Variants in TOP2A observed in about 807,000 individuals in gnomAD.
TOP2A encodes the protein DNA topoisomerase II alpha.
Under a neutral mutation model 187.2 loss-of-function variants are expected in TOP2A, and 68 were observed. That is an observed-to-expected ratio of 0.36 (90% CI 0.30 to 0.44). The LOEUF (loss-of-function observed/expected upper bound fraction) is 0.44, where lower values mean the gene tolerates loss of function less well. TOP2A is among the 20% of genes least tolerant of loss of function. TOP2A has a pLI of 1.00. For synonymous variants in TOP2A, 542 were observed against 593.2 expected (o/e 0.91, Z 1.25); for missense variants, 1,196 against 1,808.7 (o/e 0.66, Z 6.14).
At chr17:40,414,180 G>T (rs1438820640) in intron 4 of TOP2A, among the ~76,000 whole-genome samples, 3 of 152,116 alleles carry the variant, frequency 2.0e-5, no homozygotes, top group African/African-American at 7.2e-5. Context: ...AGGACAATCT[G>T]GAAACATTAT....
intron 29 of TOP2A, among the ~76,000 whole-genome samples, chr17:40,393,925 G>A (rs1003943819): frequency 3.3e-5 from 5 of 151,976 alleles, no homozygotes; most frequent in African/African-American, 1.2e-4. Flanking sequence ...GCATGGTGGT[G>A]CGTGCCTGTA....
chr17:40,409,779 CAA>C (rs886646711), intron 10 of TOP2A: 181 of 76,266 alleles, frequency 2.4e-3, no homozygotes, highest in South Asian at 0.013. Context: ...GACTCTGTCT[CAA>C]AAAAAAAAAA....
At position 40,398,791 on chromosome 17, in the gene TOP2A, G is replaced by T. The variant is rs761940756; in HGVS notation, c.3435C>A (p.Cys1145Ter). ...YLTKEKKDEL[C>*]RLRNEKEQEL... is the part of the protein sequence containing the mutation. ...AACTCACTTTTTCATTTCTTAGCCT[G>T]CAGAGTTCATCTTTCTTTTCCTTGG... The change falls in exon 26 of 35, where the codon TGC (cysteine) becomes TGA (stop). Residue 1145 changes from cysteine to a stop codon, truncating the protein, a stop_gained. Coordinates refer to ENST00000423485, the MANE Select transcript of TOP2A (RefSeq NM_001067.4). LOFTEE classifies it high-confidence loss of function. 1.2e-6 allele frequency: 2 copies of T among 1,611,144 alleles called. No individual in the cohort carries two copies. The highest frequency in any genetic ancestry group is 3.4e-5 in the Admixed American group (2 of 59,300).
intron 3 of TOP2A, 120 bp downstream of exon 3, chr17:40,416,301 AC>A (rs2035389373): frequency 1.3e-6 from 1 of 766,942 alleles, no homozygotes; most frequent in African/African-American, 1.8e-5. Context: ...AGCCCTGGCT[AC>A]AGCAGGTTTG....
intron 13 of TOP2A, 63 bp downstream of exon 13, chr17:40,407,486 G>C: frequency 1.5e-6 from 2 of 1,350,286 alleles, no homozygotes; most frequent in Non-Finnish European, 2.0e-6. Flanking sequence ...AAAAAACAAT[G>C]AAATTAAATT....
intron 5 of TOP2A, 66 bp downstream of exon 5, chr17:40,413,414 C>A: frequency 7.1e-7 from 1 of 1,407,874 alleles, no homozygotes; most frequent in Admixed American, 2.6e-5. Context: ...ACCCTCATGC[C>A]ACAGACAGTC....
chr17:40,390,012 A>C lies in TOP2A; in HGVS notation c.4420T>G (p.Ser1474Ala). The C allele has an allele frequency of 6.2e-7, 1 of 1,613,918 alleles. No homozygotes were observed. Among genetic ancestry groups the C allele is most frequent in the Admixed American group, 1.7e-5 (1 of 60,004 alleles). ...ACAATTTTCTCAAAATTAGAGTCAG[A>C]ATCATCAGAAGTGGATGGCTTCCTT... ...RKRKPSTSDD[S>A]DSNFEKIVSK... The change falls in exon 34 of 35, where the codon TCT becomes GCT. Residue 1474 changes from serine (S) to alanine (A), a missense_variant. Physicochemically the swap from Ser to Ala is moderately conservative, Grantham distance 99 (BLOSUM62 1). This residue lies in a region of TOP2A where 374 missense variants were observed against 403.3 expected (regional missense o/e 0.93). Coordinates refer to ENST00000423485, the MANE Select transcript of TOP2A (RefSeq NM_001067.4).
rs2143669804 is a variant in TOP2A at position 40,408,061 on chromosome 17, G to A, written c.1406C>T (p.Ala469Val). 8.7e-6 allele frequency: 14 copies of A among 1,613,284 alleles called. No homozygotes were observed. The highest frequency in any genetic ancestry group is 1.1e-5 in the Non-Finnish European group (13 of 1,179,510). ...LTEGDSAKTLAVSGLGVVGRD... is the reference protein window; with the variant it reads ...LTEGDSAKTLVVSGLGVVGRD... ...CCCAACCACACCAAGGCCTGAAACA[G>A]CCAAAGTTTTGGCTGAATCTCCCTC... The change falls in exon 12 of 35, where the codon GCT becomes GTT. Residue 469 changes from alanine to valine, a missense_variant. Coordinates refer to ENST00000423485, the MANE Select transcript of TOP2A (RefSeq NM_001067.4).
At chr17:40,407,039 G>A (rs1435628493) in intron 13 of TOP2A, 97 bp from the exon 14 acceptor site, 7 of 953,496 alleles carry the variant, frequency 7.3e-6, no homozygotes, top group African/African-American at 3.3e-5. Context: ...CGAGGCAGGC[G>A]GATCGCCTGA....
Position 40,403,816 on chromosome 17 carries a change from G to A in TOP2A, c.2283+336C>T, listed in dbSNP as rs543150938. ...ATATTCCTCAGTGTCAGTGCACACA[G>A]TTTTACTGAAGTTACAGCACTGATT... On this transcript the variant is annotated intron_variant, in intron 19 of 34. Coordinates refer to ENST00000423485, the MANE Select transcript of TOP2A (RefSeq NM_001067.4). Among the ~76,000 whole-genome samples, 273 of 152,250 alleles carry A rather than the reference G, an allele frequency of 1.8e-3. 1 individual carries two copies. The highest frequency in any genetic ancestry group is 6.8e-3 in the Middle Eastern group (2 of 294).
chr17:40,409,194 CAAAAA>C (rs35266834), intron 10 of TOP2A: 552 of 72,992 alleles, frequency 7.6e-3, no homozygotes, highest in South Asian at 1.0e-2. Flanking sequence ...AACTCCGTCT[CAAAAA>C]AAAAAAAAAA....
intron 29 of TOP2A, among the ~76,000 whole-genome samples, chr17:40,393,933 G>A (rs1196729379): frequency 6.6e-6 from 1 of 151,892 alleles, no homozygotes; most frequent in African/African-American, 2.4e-5. Flanking sequence ...GTGCGTGCCT[G>A]TAATCCCAGC....
In TOP2A at chr17:40,389,527, G is replaced by A; in HGVS notation, c.4588C>T (p.Leu1530=). Residue 1530 remains leucine, a synonymous_variant, in exon 35 of 35, where the codon CTG becomes TTG. Transcript: ENST00000423485. ...AATAATCGCCTCACATTTTAAAACA[G>A]ATCATCTTCATCTGACTCTTCCAGG... is the stretch of plus-strand genomic sequence containing the variant. ...KYLEESDEDD[L]F 1 of 1,589,118 alleles carries A rather than the reference G, an allele frequency of 6.3e-7. No homozygotes were observed.
chr17:40,398,344 T>C (rs1457816052), intron 27 of TOP2A, among the ~76,000 whole-genome samples: 1 of 152,008 alleles, frequency 6.6e-6, no homozygotes, highest in Non-Finnish European at 1.5e-5. Flanking sequence ...CCTCAAGTGA[T>C]CCACCCAACT....
Position 40,417,754 on chromosome 17 carries a change from C to G in TOP2A, c.21+17G>C, listed in dbSNP as rs758467710. Reference sequence around the variant, plus strand: ...CCGCGCGGAGGCTCCACCGCCAGTCCCCCCCGCGAGCCGTACCTGCAATGG... The same window carrying G: ...CCGCGCGGAGGCTCCACCGCCAGTCGCCCCCGCGAGCCGTACCTGCAATGG... On this transcript the variant is annotated intron_variant, in intron 1 of 34. Transcript: ENST00000423485. The G allele has an allele frequency of 6.2e-7, 1 of 1,612,818 alleles. No individual in the cohort carries two copies. The highest frequency in any genetic ancestry group is 1.3e-5 in the African/African-American group (1 of 75,044).
At chr17:40,391,166 T>C (rs1026723932) in intron 33 of TOP2A, 1 of 185,100 alleles carries the variant, frequency 5.4e-6, no homozygotes. Flanking sequence ...AGCAATCCTC[T>C]TGTTTTAGCC....
chr17:40,406,181 A>G (rs936763982), intron 16 of TOP2A, among the ~76,000 whole-genome samples: 4 of 152,198 alleles, frequency 2.6e-5, no homozygotes, highest in Non-Finnish European at 5.9e-5. Flanking sequence ...AATTATAGGC[A>G]TGAGCCACCA....
chr17:40,411,421 A>G lies in TOP2A; in HGVS notation c.998T>C (p.Ile333Thr), dbSNP rs1408947941. 6.2e-7 allele frequency: 1 copy of G among 1,613,872 alleles called. No individual in the cohort carries two copies. The highest frequency in any genetic ancestry group is 1.7e-5 in the Admixed American group (1 of 60,014). ...CACAACATCAACAAGTTTAGTCACA[A>G]TCTGATCAGCTACATAATCAACATG... ...GRHVDYVADQ[I>T]VTKLVDVVKK... The change falls in exon 9 of 35, where the codon ATT (isoleucine) becomes ACT (threonine). Residue 333 changes from isoleucine to threonine, a missense_variant. By Grantham distance (89) the Ile-to-Thr change is moderately conservative. Coordinates refer to ENST00000423485, the MANE Select transcript of TOP2A (RefSeq NM_001067.4). The surrounding 1 kb of genome is among the most constrained non-coding windows in gnomAD (Gnocchi z 4.4).
Position 40,411,481 on chromosome 17 carries a change from A to G in TOP2A, c.964-26T>C. On this transcript the variant is annotated intron_variant, in intron 8 of 34. Coordinates refer to ENST00000423485, the MANE Select transcript of TOP2A (RefSeq NM_001067.4). This position sits in a 1 kb window ranked among gnomAD's most constrained non-coding sequence, Gnocchi z 4.4. The stretch of plus-strand genomic sequence containing the variant: ...CTAATAAGGAAAAATACCAAACTGT[A>G]AAACTCAGTATCCTCAAAATTATAA... 1.9e-6 allele frequency: 3 copies of G among 1,599,550 alleles called. No individual in the cohort carries two copies. The highest frequency in any genetic ancestry group is 2.6e-6 in the Non-Finnish European group (3 of 1,166,860).
Sources: gnomAD v4.1 joint callset for allele counts (sites outside exome capture counted in the v4.1 genomes callset) on GRCh38, gnomAD v4.1.1 for gene constraint, gnomAD v4.1.1 regional missense constraint, Gnocchi (gnomAD v3.1) non-coding constraint, MANE v1.5 for transcripts, NCBI Gene and HGNC (gene_info 2026-07-23, HGNC 2026-07-21) for gene names.